Variants in BMP1 observed in about 807,000 individuals in gnomAD.
BMP1 encodes the protein bone morphogenetic protein 1.
A neutral mutation model predicts 116.8 loss-of-function variants in BMP1; 63 were observed. The observed-to-expected ratio is 0.54, with a 90% CI of 0.44 to 0.67. The LOEUF is 0.67. Ranked by LOEUF, BMP1 falls within the 30% of genes least tolerant of loss-of-function variation. The pLI is 0.00. For missense variants in BMP1, 1,183 were observed against 1,358.9 expected (o/e 0.87, Z 2.04); for synonymous variants, 536 against 533.4 (o/e 1.00, Z -0.07).
In BMP1 at chr8:22,201,921, C is replaced by T. The variant is rs1459347183; in HGVS notation, c.2226C>T (p.Cys742=). The part of the protein sequence containing the change: ...GFVLHDNKHD[C]KEAGCDHKVT... ...TCCTCCATGACAACAAGCACGACTG[C>T]AAAGAAGGTACGGGCTGCATGCCAG... The change falls in exon 16 of 20, where the codon TGC becomes TGT. Residue 742 remains cysteine, a synonymous_variant. Transcript: ENST00000306385. 9 of 1,612,776 alleles carry T rather than the reference C, an allele frequency of 5.6e-6. No individual in the cohort carries two copies. Among genetic ancestry groups the T allele is most frequent in the Non-Finnish European group, 4.2e-6 (5 of 1,179,368 alleles).
rs527662479 is a variant in BMP1, at chr8:22,200,089, A to C, written c.2108-1714A>C. On this transcript the variant is annotated intron_variant, in intron 15 of 19. Coordinates refer to ENST00000306385, the MANE Select transcript of BMP1 (RefSeq NM_006129.5). ...CTATGGAATTCTGGGGGTCCACTGG[A>C]TCCCTCATCTTCCCTGGCTATGCCT... Among the ~76,000 whole-genome samples the C allele has an allele frequency of 3.9e-5, 6 of 152,260 alleles. No individual in the cohort carries two copies. In the South Asian group the frequency reaches 1.2e-3, roughly 32 times the overall value.
At chr8:22,172,037 T>G (rs1335157676) in intron 1 of BMP1, among the ~76,000 whole-genome samples, 2 of 152,162 alleles carry the variant, frequency 1.3e-5, no homozygotes, top group Non-Finnish European at 2.9e-5. Flanking sequence ...TAACCTTGGG[T>G]GTCTGATTCT....
At chr8:22,210,446 C>CTCTCT (rs1829442577) in intron 19 of BMP1, among the ~76,000 whole-genome samples, 1 of 135,654 alleles carries the variant, frequency 7.4e-6, no homozygotes, top group Non-Finnish European at 1.6e-5. Context: ...TCTCTCTTTC[C>CTCTCT]CTCTCTCTCT....
intron 1 of BMP1, among the ~76,000 whole-genome samples, chr8:22,168,575 C>T (rs556379748): frequency 5.3e-5 from 8 of 152,108 alleles, no homozygotes; most frequent in Admixed American, 3.3e-4. Context: ...TCTGCAGGAG[C>T]GGGAGGGGCA....
chr8:22,179,581 G>T lies in BMP1; in HGVS notation c.837-124G>T. ...GGGTGAGACGACTCCACCCGGCCCT[G>T]ACCCTGCTGAGGAATGTCTGAGCTC... On this transcript the variant is annotated intron_variant, in intron 6 of 19. Transcript: ENST00000306385. The surrounding 1 kb of genome is among the most constrained non-coding windows in gnomAD (Gnocchi z 4.6). The T allele has an allele frequency of 6.4e-7, 1 of 1,557,498 alleles. No homozygotes were observed. The highest frequency in any genetic ancestry group is 2.3e-5 in the East Asian group (1 of 43,150).
Position 22,206,991 on chromosome 8 carries a change from C to T in BMP1, c.2361+10C>T, listed in dbSNP as rs1329129767. The T allele has an allele frequency of 6.2e-7, 1 of 1,613,864 alleles. No individual in the cohort carries two copies. The highest frequency in any genetic ancestry group is 8.5e-7 in the Non-Finnish European group (1 of 1,179,884). ...GCACCGGGTCAAGCTGGTAAGGGGT[C>T]CCCTCCCCACTCCTTATGCGGTGTG... On this transcript the variant is annotated intron_variant, in intron 17 of 19. Transcript: ENST00000306385.
At chr8:22,210,801 G>A (rs1277012105) in intron 19 of BMP1, among the ~76,000 whole-genome samples, 3 of 152,202 alleles carry the variant, frequency 2.0e-5, no homozygotes, top group Non-Finnish European at 2.9e-5. Flanking sequence ...ACACCAAATC[G>A]GATGTCCCCA....
Position 22,179,931 on chromosome 8 carries a change from T to A in BMP1, c.961+102T>A. ...CCAAGAAGGCTTAGGCTGCAAGTCT[T>A]AGAGAATGGTGTGGCGGGGGAGGGG... On this transcript the variant is annotated intron_variant, in intron 7 of 19. Transcript: ENST00000306385. This position sits in a 1 kb window ranked among gnomAD's most constrained non-coding sequence, Gnocchi z 4.6. 2 of 1,297,354 alleles carry A rather than the reference T, an allele frequency of 1.5e-6. No homozygotes were observed. Among genetic ancestry groups the A allele is most frequent in the South Asian group, 2.9e-5 (2 of 68,770 alleles). The allele number at this position is 1,297,354 out of a possible 1,614,324, so 80.4% of individuals were successfully genotyped here.
chr8:22,174,079 A>G (rs368460923), intron 2 of BMP1, among the ~76,000 whole-genome samples: 2 of 152,196 alleles, frequency 1.3e-5, no homozygotes, highest in South Asian at 2.1e-4. Flanking sequence ...GGATCACACA[A>G]CTAGTGAGTG....
Position 22,179,484 on chromosome 8 carries a change from G to T in BMP1, c.837-221G>T, listed in dbSNP as rs1338677733. ...CCCTGACCTCCCAAAGTGTTCCTGGGGCTCCCCCGACTCCTGTGGTGTGGC... is the reference window on the plus strand; with the variant it reads ...CCCTGACCTCCCAAAGTGTTCCTGGTGCTCCCCCGACTCCTGTGGTGTGGC... On this transcript the variant is annotated intron_variant, in intron 6 of 19. Transcript: ENST00000306385. This position sits in a 1 kb window ranked among gnomAD's most constrained non-coding sequence, Gnocchi z 4.6. Among the ~76,000 whole-genome samples the T allele has an allele frequency of 2.0e-5, 3 of 152,134 alleles. No homozygotes were observed. Among genetic ancestry groups the T allele is most frequent in the Non-Finnish European group, 2.9e-5 (2 of 68,014 alleles).
At chr8:22,167,189 C>T (rs969471609) in intron 1 of BMP1, among the ~76,000 whole-genome samples, 1 of 152,162 alleles carries the variant, frequency 6.6e-6, no homozygotes, top group Non-Finnish European at 1.5e-5. Context: ...CTCCTTGTGC[C>T]TCTTATCCAT....
chr8:22,196,401 C>A, intron 13 of BMP1: 1 of 598,378 alleles, frequency 1.7e-6, no homozygotes, highest in Non-Finnish European at 3.0e-6. Flanking sequence ...CCGCTCACTC[C>A]CTCTTGGAGG....
At chr8:22,196,450 C>A in intron 13 of BMP1, 1 of 619,632 alleles carries the variant, frequency 1.6e-6, no homozygotes. Flanking sequence ...TAGAAATGGC[C>A]ACACTTATGA....
At chr8:22,199,458 C>A in intron 15 of BMP1, 1 of 1,195,988 alleles carries the variant, frequency 8.4e-7, no homozygotes, top group South Asian at 1.6e-5. Context: ...CTGCTCCCCC[C>A]AGCTCCCAGG....
Position 22,180,413 on chromosome 8 carries a change from C to A in BMP1, c.1007C>A (p.Pro336His), listed in dbSNP as rs770500738. The A allele has an allele frequency of 1.4e-5, 22 of 1,613,956 alleles. No homozygotes were observed. Among genetic ancestry groups the A allele is most frequent in the Non-Finnish European group, 1.3e-5 (15 of 1,179,968 alleles). Residue 336 changes from proline (P) to histidine (H), a missense_variant, in exon 8 of 20, where the codon CCT (proline) becomes CAT (histidine). Transcript: ENST00000306385. ...GACAGCACAGGCAACTTCTCCTCCC[C>A]TGAATACCCCAATGGCTACTCTGCT... ...LQDSTGNFSS[P>H]EYPNGYSAHM...
At chr8:22,182,755 C>T (rs1264703950) in intron 8 of BMP1, among the ~76,000 whole-genome samples, 6 of 152,156 alleles carry the variant, frequency 3.9e-5, no homozygotes, top group South Asian at 2.1e-4. Context: ...TCCCAGAATC[C>T]GCTCCTTACT....
chr8:22,167,530 G>A (rs1425894203), intron 1 of BMP1, among the ~76,000 whole-genome samples: 5 of 152,190 alleles, frequency 3.3e-5, no homozygotes, highest in Admixed American at 6.5e-5. Context: ...CCATTCTGAT[G>A]TCTTTCCCTT....
chr8:22,167,029 G>C (rs543613386), intron 1 of BMP1, among the ~76,000 whole-genome samples: 1 of 152,202 alleles, frequency 6.6e-6, no homozygotes, highest in Non-Finnish European at 1.5e-5. Context: ...CATAGAGTTG[G>C]TGGTAAGGGT....
chr8:22,205,625 G>A lies in BMP1; in HGVS notation c.2234-1229G>A, dbSNP rs541892129. ...CCCCATCTCTACAACAAGCAAAAATGAAAAAAATTACCCAGGTGGCATGCC... is the reference window on the plus strand; with the variant it reads ...CCCCATCTCTACAACAAGCAAAAATAAAAAAAATTACCCAGGTGGCATGCC... On this transcript the variant is annotated intron_variant, in intron 16 of 19. Transcript: ENST00000306385. Among the ~76,000 whole-genome samples, 17 of 152,058 alleles carry A rather than the reference G, an allele frequency of 1.1e-4. No homozygotes were observed. The South Asian group carries it at 2.9e-3, about 26-fold the overall frequency.
Sources: allele counts gnomAD v4.1 joint callset (sites outside exome capture counted in the v4.1 genomes callset), GRCh38; gene constraint gnomAD v4.1.1; non-coding constraint Gnocchi (gnomAD v3.1); transcripts MANE v1.5; gene names NCBI Gene and HGNC (gene_info 2026-07-23, HGNC 2026-07-21).